The following APBA1 variants were observed in gnomAD, a reference collection of about 807,000 sequenced individuals.
APBA1 encodes the protein amyloid beta precursor protein binding family A member 1.
In APBA1, 55 loss-of-function variants were observed where a neutral mutation model predicts 86.6. The ratio of observed to expected loss-of-function variants is 0.64; its 90% confidence interval spans 0.51 to 0.80. APBA1 has a LOEUF of 0.80. Among genes scored for constraint, APBA1 ranks in the 30% least tolerant of loss-of-function variants. The pLI, the probability that APBA1 is intolerant of heterozygous loss-of-function variation, is 0.00. For synonymous variants in APBA1, 511 were observed against 493.9 expected, an observed-to-expected ratio of 1.03 and a Z score of -0.46; for missense variants, 1,090 against 1,183.0, an observed-to-expected ratio of 0.92 and a Z score of 1.15.
In APBA1 at chr9:69,530,306, G is replaced by GTATA. The variant is rs370549415; in HGVS notation, c.-69-13031_-69-13028dup. Among the ~76,000 whole-genome samples, 255 of 116,104 alleles carry GTATA rather than the reference G, an allele frequency of 2.2e-3. 2 individuals carry two copies. Among genetic ancestry groups the GTATA allele is most frequent in the East Asian group, 8.7e-3 (38 of 4,372 alleles). 76.2% of individuals were successfully genotyped at this position (116,104 alleles called of 152,430 possible). A position where few individuals can be genotyped will look rare whatever the true frequency, so the allele number is the denominator to read the frequency against. On this transcript the variant is annotated intron_variant, in intron 1 of 12. Transcript: ENST00000265381. ...GGATTAAGAAAAAAGTTGTGTGTGT[G>GTATA]TATATATATATATATATATATATAC...
chr9:69,463,301 G>T (rs1835221649), intron 5 of APBA1: 1 of 152,120 alleles, frequency 6.6e-6, no homozygotes, highest in Non-Finnish European at 1.5e-5. Context: ...TTCCTAAAGG[G>T]CCTATCACAG....
intron 1 of APBA1, among the ~76,000 whole-genome samples, chr9:69,523,493 A>ATGTG: frequency 7.4e-5 from 1 of 13,594 alleles, no homozygotes; most frequent in South Asian, 2.5e-3. Flanking sequence ...ATATATATAT[A>ATGTG]TATGTATATA....
At chr9:69,549,280 G>A (rs1421480633) in intron 1 of APBA1, among the ~76,000 whole-genome samples, 1 of 152,132 alleles carries the variant, frequency 6.6e-6, no homozygotes, top group East Asian at 1.9e-4. Context: ...GCTAGATGTG[G>A]GTTTTGGGGA....
At chr9:69,452,595 G>C (rs1019299486) in intron 8 of APBA1, among the ~76,000 whole-genome samples, 1 of 152,242 alleles carries the variant, frequency 6.6e-6, no homozygotes, top group Non-Finnish European at 1.5e-5. Flanking sequence ...TCGATACAGT[G>C]ATGAGTCATT....
intron 2 of APBA1, among the ~76,000 whole-genome samples, chr9:69,511,372 G>C (rs933519364): frequency 2.0e-5 from 3 of 152,170 alleles, no homozygotes; most frequent in African/African-American, 7.2e-5. Flanking sequence ...ACCACAATGA[G>C]ATACAATCTC....
At chr9:69,667,770 T>G (rs1823869658) in intron 1 of APBA1, among the ~76,000 whole-genome samples, 1 of 151,936 alleles carries the variant, frequency 6.6e-6, no homozygotes, top group Non-Finnish European at 1.5e-5. Context: ...CTCTTTTATC[T>G]CCCAACTTAT....
Position 69,428,637 on chromosome 9 carries a change from T to C in APBA1, c.*2690A>G, listed in dbSNP as rs1834531123. 6.6e-6 allele frequency: 1 copy of C among 152,152 alleles called. No individual in the cohort carries two copies. Among genetic ancestry groups the C allele is most frequent in the South Asian group, 2.1e-4 (1 of 4,824 alleles). 9.4% of individuals were successfully genotyped at this position (152,152 alleles called of 1,614,324 possible). On this transcript the variant is annotated 3_prime_UTR_variant, in exon 13 of 13. Coordinates refer to ENST00000265381, the MANE Select transcript of APBA1 (RefSeq NM_001163.4). ...ATAGCCTTCCCATTACATGGGGTATTTAGATATTTACATGTATAACTATAT... is the reference window on the plus strand; with the variant it reads ...ATAGCCTTCCCATTACATGGGGTATCTAGATATTTACATGTATAACTATAT...
intron 10 of APBA1, 97 bp from the exon 11 acceptor site, chr9:69,441,212 G>A: frequency 1.4e-6 from 2 of 1,433,036 alleles, no homozygotes; most frequent in Non-Finnish European, 9.4e-7. Flanking sequence ...GCTGCACTGA[G>A]TCTTCCGAAG....
Position 69,439,809 on chromosome 9 carries a change from TG to T in APBA1, c.2301+1186del, listed in dbSNP as rs577790269. On this transcript the variant is annotated intron_variant, in intron 11 of 12. Transcript: ENST00000265381. ...GTCAAAGTCATTCTCCATCCAGCTT[TG>T]TTCCGTTGCTGGTAAGGAGCTGTGT... Among the ~76,000 whole-genome samples the T allele has an allele frequency of 1.8e-3, 278 of 152,380 alleles. 1 individual carries two copies. The highest frequency in any genetic ancestry group is 3.4e-3 in the Non-Finnish European group (230 of 68,044).
At chr9:69,525,343 G>A (rs1836325662) in intron 1 of APBA1, among the ~76,000 whole-genome samples, 2 of 152,006 alleles carry the variant, frequency 1.3e-5, no homozygotes, top group Non-Finnish European at 1.5e-5. Flanking sequence ...TAAAGACTAT[G>A]CCAAAAGGCT....
At chr9:69,602,347 G>A (rs1308076357) in intron 1 of APBA1, among the ~76,000 whole-genome samples, 4 of 152,042 alleles carry the variant, frequency 2.6e-5, no homozygotes, top group African/African-American at 4.8e-5. Context: ...CGAGGCGGGC[G>A]GATCATGAGG....
intron 1 of APBA1, among the ~76,000 whole-genome samples, chr9:69,549,569 C>T (rs1461138430): frequency 1.3e-5 from 2 of 152,160 alleles, no homozygotes; most frequent in East Asian, 1.9e-4. Flanking sequence ...AGTTCGTCTA[C>T]GACTTCTCAA....
intron 2 of APBA1, among the ~76,000 whole-genome samples, chr9:69,514,383 G>C (rs886143727): frequency 6.6e-6 from 1 of 151,934 alleles, no homozygotes; most frequent in Non-Finnish European, 1.5e-5. Context: ...CTGAGGTTAG[G>C]AGTTCAAGCC....
intron 1 of APBA1, among the ~76,000 whole-genome samples, chr9:69,586,069 C>T (rs1411242901): frequency 1.3e-5 from 2 of 152,218 alleles, no homozygotes; most frequent in Non-Finnish European, 2.9e-5. Context: ...TCATAGAACT[C>T]CTGAACCCTT....
intron 1 of APBA1, among the ~76,000 whole-genome samples, chr9:69,519,662 A>G (rs1379221494): frequency 1.3e-5 from 2 of 152,236 alleles, no homozygotes; most frequent in Non-Finnish European, 2.9e-5. Context: ...TCAGCGTAAG[A>G]AAAACAGTAA....
At chr9:69,527,185 C>A (rs1372214367) in intron 1 of APBA1, among the ~76,000 whole-genome samples, 3 of 151,890 alleles carry the variant, frequency 2.0e-5, no homozygotes, top group African/African-American at 7.3e-5. Flanking sequence ...ATGCAGTATA[C>A]CCAGATAACA....
At chr9:69,515,705 C>T (rs74308373) in intron 2 of APBA1, among the ~76,000 whole-genome samples, 8 of 56,640 alleles carry the variant, frequency 1.4e-4, no homozygotes, top group Non-Finnish European at 2.5e-4. Context: ...GGGGGGGGGG[C>T]GGGGGGTGGA....
intron 2 of APBA1, among the ~76,000 whole-genome samples, chr9:69,488,478 T>A (rs1446794119): frequency 1.3e-5 from 2 of 152,170 alleles, no homozygotes; most frequent in African/African-American, 4.8e-5. Flanking sequence ...AGTATTGCTT[T>A]CAAGGTAAAG....
intron 1 of APBA1, among the ~76,000 whole-genome samples, chr9:69,585,976 C>T (rs911947957): frequency 1.3e-5 from 2 of 152,164 alleles, no homozygotes; most frequent in Admixed American, 1.3e-4. Flanking sequence ...AGACTGCCCA[C>T]CTATGAATAT....
Sources: allele counts gnomAD v4.1 joint callset (sites outside exome capture counted in the v4.1 genomes callset), GRCh38; gene constraint gnomAD v4.1.1; transcripts MANE v1.5; gene names NCBI Gene and HGNC (gene_info 2026-07-23, HGNC 2026-07-21).